Variants in STK33 observed in about 807,000 individuals in gnomAD.
STK33 encodes serine/threonine-protein kinase 33.
A neutral mutation model predicts 58.0 loss-of-function variants in STK33; 52 were observed. The observed-to-expected ratio is 0.90, with a 90% CI of 0.72 to 1.13. The LOEUF (loss-of-function observed/expected upper bound fraction) is 1.13, where lower values mean the gene tolerates loss of function less well. Among genes scored for constraint, STK33 ranks in the 50% most tolerant of loss-of-function variants. The pLI is 0.00. For synonymous variants in STK33, 215 were observed against 200.1 expected, an observed-to-expected ratio of 1.07 and a Z score of -0.63; for missense variants, 630 against 604.2, an observed-to-expected ratio of 1.04 and a Z score of -0.45.
the STK33 span, among the ~76,000 whole-genome samples, chr11:8,352,048 C>A: frequency 6.6e-6 from 1 of 152,196 alleles, no homozygotes; most frequent in South Asian, 2.1e-4. Flanking sequence ...TGCAACTGTC[C>A]CAACAAATAA....
At chr11:8,363,960 C>T in the STK33 span, among the ~76,000 whole-genome samples, 1 of 152,220 alleles carries the variant, frequency 6.6e-6, no homozygotes, top group South Asian at 2.1e-4. Context: ...ACAATACAGG[C>T]AAGCATCTTT....
At chr11:8,526,723 A>C (rs973675469) in intron 1 of STK33, among the ~76,000 whole-genome samples, 7 of 151,936 alleles carry the variant, frequency 4.6e-5, no homozygotes, top group African/African-American at 1.7e-4. Flanking sequence ...GTATAAATCT[A>C]ATGCAAGATG....
At chr11:8,539,310 A>T (rs980645437) in intron 1 of STK33, among the ~76,000 whole-genome samples, 2 of 152,234 alleles carry the variant, frequency 1.3e-5, no homozygotes, top group African/African-American at 4.8e-5. Context: ...GCTTAAAGGC[A>T]ATCTCTGACA....
At chr11:8,589,923 T>A (rs1360875979) in intron 1 of STK33, among the ~76,000 whole-genome samples, 1 of 152,206 alleles carries the variant, frequency 6.6e-6, no homozygotes, top group Non-Finnish European at 1.5e-5. Flanking sequence ...TTCTTCCCAA[T>A]ATTTCAGCTG....
intron 1 of STK33, among the ~76,000 whole-genome samples, chr11:8,508,785 C>T (rs1262813673): frequency 6.6e-6 from 1 of 152,100 alleles, no homozygotes; most frequent in Non-Finnish European, 1.5e-5. Context: ...TAAATAGGAG[C>T]TTGAAATGAA....
At chr11:8,444,395 G>A (rs957004141) in intron 11 of STK33, among the ~76,000 whole-genome samples, 1 of 151,854 alleles carries the variant, frequency 6.6e-6, no homozygotes, top group East Asian at 1.9e-4. Flanking sequence ...TAAAAATCTT[G>A]TTTAATGTTT....
chr11:8,449,525 C>T (rs931287581), intron 11 of STK33, among the ~76,000 whole-genome samples: 2 of 150,718 alleles, frequency 1.3e-5, no homozygotes, highest in Admixed American at 6.6e-5. Context: ...AGCAAACTAT[C>T]GCAAGGACAA....
intron 11 of STK33, among the ~76,000 whole-genome samples, 191 bp from the exon 12 acceptor site, chr11:8,440,944 T>G (rs1944668057): frequency 6.6e-6 from 1 of 152,220 alleles, no homozygotes; most frequent in African/African-American, 2.4e-5. Context: ...CTCACTCCTA[T>G]CATTTAGCTT....
chr11:8,431,366 T>C (rs532149914), intron 14 of STK33, among the ~76,000 whole-genome samples: 2 of 152,270 alleles, frequency 1.3e-5, no homozygotes, highest in African/African-American at 2.4e-5. Flanking sequence ...ATATAGAGTA[T>C]ATATGTTAAA....
chr11:8,470,673 A>G (rs111671215), intron 6 of STK33, among the ~76,000 whole-genome samples: 1 of 152,158 alleles, frequency 6.6e-6, no homozygotes, highest in African/African-American at 2.4e-5. Flanking sequence ...CTTTCACTTA[A>G]AACACTGCAG....
At chr11:8,471,286 TA>T (rs1246761685) in intron 6 of STK33, among the ~76,000 whole-genome samples, 30 of 152,234 alleles carry the variant, frequency 2.0e-4, no homozygotes, top group African/African-American at 4.8e-5. Flanking sequence ...AATGGCCAAC[TA>T]GTTTTTTACA....
chr11:8,366,180 G>C, the STK33 span, among the ~76,000 whole-genome samples: 360 of 152,336 alleles, frequency 2.4e-3, 3 homozygotes, highest in African/African-American at 8.3e-3. Flanking sequence ...ATCCAGCTAG[G>C]CCTGGAGTGG....
At chr11:8,499,529 T>C (rs975683220) in intron 1 of STK33, among the ~76,000 whole-genome samples, 12 of 152,300 alleles carry the variant, frequency 7.9e-5, no homozygotes, top group Non-Finnish European at 1.3e-4. Context: ...CTCAAGGATC[T>C]AGAACTAGGA....
At chr11:8,531,248 G>A (rs955816899) in intron 1 of STK33, among the ~76,000 whole-genome samples, 1 of 152,096 alleles carries the variant, frequency 6.6e-6, no homozygotes, top group Non-Finnish European at 1.5e-5. Context: ...TAAATGATTA[G>A]GAGTATAAAA....
intron 15 of STK33, among the ~76,000 whole-genome samples, chr11:8,395,591 A>G (rs1849193768): frequency 6.6e-6 from 1 of 152,192 alleles, no homozygotes; most frequent in Non-Finnish European, 1.5e-5. Flanking sequence ...ACTTTTTTCA[A>G]CTAATGATTA....
At chr11:8,463,291 G>A (rs1384566914) in intron 7 of STK33, among the ~76,000 whole-genome samples, 1 of 152,152 alleles carries the variant, frequency 6.6e-6, no homozygotes, top group Non-Finnish European at 1.5e-5. Flanking sequence ...CAGATCATCA[G>A]GCATTAGTTG....
At chr11:8,392,994 A>T (rs903139983) in intron 15 of STK33, among the ~76,000 whole-genome samples, 3 of 152,234 alleles carry the variant, frequency 2.0e-5, no homozygotes, top group Non-Finnish European at 4.4e-5. Flanking sequence ...ACATTTGTGC[A>T]GGGAAGTCCG....
intron 12 of STK33, among the ~76,000 whole-genome samples, chr11:8,439,826 T>C (rs897587217): frequency 6.9e-6 from 1 of 144,134 alleles, no homozygotes; most frequent in Non-Finnish European, 1.5e-5. Flanking sequence ...CGTATACAAA[T>C]ACATATATAT....
At chr11:8,439,631 T>C (rs7112153) in intron 12 of STK33, among the ~76,000 whole-genome samples, 79,496 of 150,312 alleles carry the variant, frequency 0.53, 21,234 homozygotes, top group South Asian at 0.64. Context: ...CCATACACAC[T>C]CCAGAGGCAT....
Sources: allele counts gnomAD v4.1 joint callset (sites outside exome capture counted in the v4.1 genomes callset), GRCh38; gene constraint gnomAD v4.1.1; transcripts MANE v1.5; gene names NCBI Gene and HGNC (gene_info 2026-07-23, HGNC 2026-07-21).